ZCCHC7: variants seen among roughly 807,000 people sequenced by gnomAD.
ZCCHC7 encodes zinc finger CCHC-type containing 7.
Under a neutral mutation model 52.0 loss-of-function variants are expected in ZCCHC7, and 35 were observed. That is an observed-to-expected ratio of 0.67 (90% CI 0.51 to 0.89). The LOEUF (loss-of-function observed/expected upper bound fraction) is 0.89, where lower values mean the gene tolerates loss of function less well. ZCCHC7 is among the 40% of genes least tolerant of loss of function. The pLI is 0.00. For missense variants in ZCCHC7, 574 were observed against 649.1 expected (o/e 0.88, Z 1.26); for synonymous variants, 217 against 221.5 (o/e 0.98, Z 0.18).
chr9:37,339,217 C>T (rs1452051058), intron 6 of ZCCHC7, among the ~76,000 whole-genome samples: 2 of 152,078 alleles, frequency 1.3e-5, no homozygotes, highest in African/African-American at 4.8e-5. Context: ...AATTCTAAAG[C>T]CATTAGCTTG....
At chr9:37,200,223 T>A (rs988447340) in intron 2 of ZCCHC7, among the ~76,000 whole-genome samples, 4 of 152,214 alleles carry the variant, frequency 2.6e-5, no homozygotes, top group African/African-American at 9.7e-5. Flanking sequence ...TTCCTTTTTT[T>A]ATTATCTTTC....
chr9:37,272,052 T>C (rs1006886975), intron 2 of ZCCHC7, among the ~76,000 whole-genome samples: 1 of 152,200 alleles, frequency 6.6e-6, no homozygotes, highest in African/African-American at 2.4e-5. Context: ...TCAACTTTCA[T>C]ATGTTTGAAG....
At chr9:37,213,899 A>G (rs1353277081) in intron 2 of ZCCHC7, among the ~76,000 whole-genome samples, 1 of 152,138 alleles carries the variant, frequency 6.6e-6, no homozygotes, top group African/African-American at 2.4e-5. Context: ...GAGTAAATCA[A>G]CAACATTGAA....
intron 2 of ZCCHC7, among the ~76,000 whole-genome samples, chr9:37,203,078 G>A (rs1232312020): frequency 6.6e-6 from 1 of 152,192 alleles, no homozygotes; most frequent in Non-Finnish European, 1.5e-5. Flanking sequence ...GAAGTGCAGG[G>A]TGGTATCTTG....
chr9:37,315,950 A>C (rs542701837), intron 5 of ZCCHC7, among the ~76,000 whole-genome samples: 63 of 151,066 alleles, frequency 4.2e-4, no homozygotes, highest in African/African-American at 1.4e-3. Flanking sequence ...TGGACTTAAA[A>C]AAGTAAAAGT....
intron 2 of ZCCHC7, among the ~76,000 whole-genome samples, chr9:37,193,226 A>T (rs948147768): frequency 1.3e-5 from 2 of 152,216 alleles, no homozygotes; most frequent in Admixed American, 6.5e-5. Flanking sequence ...AAAAAAATCA[A>T]TAACTTTAAC....
At chr9:37,152,392 G>A (rs10814512) in intron 2 of ZCCHC7, among the ~76,000 whole-genome samples, 34,933 of 151,774 alleles carry the variant, frequency 0.23, 4,545 homozygotes, top group African/African-American at 0.35. Flanking sequence ...CAATATTAAC[G>A]ACTTATTAAC....
At chr9:37,324,432 AC>A (rs1830162730) in intron 5 of ZCCHC7, among the ~76,000 whole-genome samples, 1 of 152,186 alleles carries the variant, frequency 6.6e-6, no homozygotes, top group Non-Finnish European at 1.5e-5. Flanking sequence ...GCTTTCTGAC[AC>A]TCACTTATGT....
At chr9:37,267,582 T>G (rs1469791397) in intron 2 of ZCCHC7, among the ~76,000 whole-genome samples, 11 of 146,560 alleles carry the variant, frequency 7.5e-5, no homozygotes, top group African/African-American at 2.8e-4. Flanking sequence ...TTTTTTTTTT[T>G]TTTTTGAGAC....
intron 6 of ZCCHC7, among the ~76,000 whole-genome samples, chr9:37,329,022 C>G (rs1830355033): frequency 6.6e-6 from 1 of 151,734 alleles, no homozygotes. Flanking sequence ...ATTGTTTGTG[C>G]TTATGTAGCA....
intron 6 of ZCCHC7, among the ~76,000 whole-genome samples, chr9:37,340,042 G>T (rs1332199955): frequency 1.3e-5 from 2 of 152,158 alleles, no homozygotes; most frequent in South Asian, 2.1e-4. Context: ...AGTGAAGGGA[G>T]TAAGGCCAGT....
At chr9:37,333,092 A>G (rs1265724660) in intron 6 of ZCCHC7, among the ~76,000 whole-genome samples, 1 of 151,712 alleles carries the variant, frequency 6.6e-6, no homozygotes, top group Admixed American at 6.6e-5. Context: ...GGAAATCAAT[A>G]TGGCATATTT....
chr9:37,166,581 A>G (rs1324586681), intron 2 of ZCCHC7, among the ~76,000 whole-genome samples: 2 of 151,796 alleles, frequency 1.3e-5, no homozygotes, highest in African/African-American at 4.8e-5. Context: ...ACTTTTTAAA[A>G]ATTACATTCT....
In ZCCHC7 at chr9:37,331,034, A is replaced by T. The variant is rs548672189; in HGVS notation, c.987+3200A>T. ...AAAGGACAATGCATCTTTTATGTTT[A>T]ATTTTGCATTTGATTTCTTTGTGTG... On this transcript the variant is annotated intron_variant, in intron 6 of 8. Transcript: ENST00000336755. 6.1e-4 allele frequency among the ~76,000 whole-genome samples: 93 copies of T among 151,860 alleles called. No individual in the cohort carries two copies. In the Middle Eastern group the frequency reaches 0.017, roughly 28 times the overall value.
At chr9:37,261,657 T>A (rs1485112289) in intron 2 of ZCCHC7, among the ~76,000 whole-genome samples, 1 of 152,172 alleles carries the variant, frequency 6.6e-6, no homozygotes, top group Non-Finnish European at 1.5e-5. Context: ...CCTTGAACAC[T>A]GTGACATGAA....
intron 2 of ZCCHC7, among the ~76,000 whole-genome samples, chr9:37,195,738 G>T (rs1334541874): frequency 6.6e-6 from 1 of 152,176 alleles, no homozygotes. Flanking sequence ...GATTTAATGC[G>T]AATTAGCTGG....
intron 2 of ZCCHC7, 89 bp downstream of exon 2, chr9:37,127,031 C>T: frequency 6.9e-7 from 1 of 1,450,432 alleles, no homozygotes; most frequent in Non-Finnish European, 9.2e-7. Context: ...AGGGTCTACT[C>T]CGTTTAATTC....
intron 6 of ZCCHC7, among the ~76,000 whole-genome samples, chr9:37,332,543 A>G (rs910790561): frequency 4.0e-5 from 6 of 151,486 alleles, no homozygotes; most frequent in Non-Finnish European, 5.9e-5. Flanking sequence ...TTATCATCAT[A>G]ATTTTTACTT....
Position 37,270,237 on chromosome 9 carries a change from A to G in ZCCHC7, c.611-31951A>G, listed in dbSNP as rs1449134733. 3.3e-5 allele frequency among the ~76,000 whole-genome samples: 5 copies of G among 152,286 alleles called. No individual in the cohort carries two copies. In the East Asian group the frequency reaches 9.6e-4, roughly 29 times the overall value. On this transcript the variant is annotated intron_variant, in intron 2 of 8. Transcript: ENST00000336755. ...ATCTCACATTAGTGGCTTGCATTAC[A>G]TTTCTGTTGGGCAGTGCTGGTATAG...
Sources: allele counts gnomAD v4.1 joint callset (sites outside exome capture counted in the v4.1 genomes callset), GRCh38; gene constraint gnomAD v4.1.1; transcripts MANE v1.5; gene names NCBI Gene and HGNC (gene_info 2026-07-23, HGNC 2026-07-21).